DMD: variants seen among roughly 807,000 people sequenced by gnomAD.
DMD encodes mutant dystrophin.
Under a neutral mutation model 330.1 loss-of-function variants are expected in DMD, and 63 were observed. The ratio of observed to expected loss-of-function variants is 0.19; its 90% confidence interval spans 0.16 to 0.24. The LOEUF is 0.24. Among genes scored for constraint, DMD ranks in the 10% least tolerant of loss-of-function variants. DMD has a pLI of 1.00. For missense variants in DMD, 3,344 were observed against 2,684.1 expected (o/e 1.25, Z -5.43); for synonymous variants, 1,223 against 959.8 (o/e 1.27, Z -5.07).
At chrX:32,334,987 T>C (rs1486243963) in intron 41 of DMD, among the ~76,000 whole-genome samples, 2 of 111,271 alleles carry the variant, frequency 1.8e-5, no homozygotes, top group Admixed American at 1.9e-4. Context: ...AGATGTATCC[T>C]TGGACAAATC....
rs1196674773 is a variant in DMD, at chrX:32,785,536, A to G, written c.649+23957T>C. Among the ~76,000 whole-genome samples the G allele has an allele frequency of 1.1e-4, 12 of 111,511 alleles. No homozygotes were observed. The South Asian group carries it at 2.2e-3, about 21-fold the overall frequency. On this transcript the variant is annotated intron_variant, in intron 7 of 78. Coordinates refer to ENST00000357033, the MANE Select transcript of DMD (RefSeq NM_004006.3). Reference sequence around the variant, plus strand: ...GGTAAGGAGTATTATCATTTCTATTATAATGATTTTGCTTAAAATGTACAT... The same window carrying G: ...GGTAAGGAGTATTATCATTTCTATTGTAATGATTTTGCTTAAAATGTACAT...
At chrX:33,122,409 T>C (rs998864477) in intron 1 of DMD, among the ~76,000 whole-genome samples, 8 of 112,453 alleles carry the variant, frequency 7.1e-5, no homozygotes, top group African/African-American at 2.6e-4. Context: ...TTAGCCTTGA[T>C]TGATAATTTC....
At chrX:31,585,796 T>C (rs760267393) in intron 55 of DMD, among the ~76,000 whole-genome samples, 1 of 111,955 alleles carries the variant, frequency 8.9e-6, no homozygotes, top group African/African-American at 3.2e-5. Flanking sequence ...CCTGGGAATT[T>C]GATAGAAATG....
chrX:31,197,945 G>A (rs148738670), intron 67 of DMD, among the ~76,000 whole-genome samples: 48 of 106,086 alleles, frequency 4.5e-4, no homozygotes, highest in Middle Eastern at 1.0e-2. Context: ...CAACATGTAC[G>A]GAACCGGAAG....
Position 32,545,291 on chromosome X carries a change from G to T in DMD, c.2036C>A (p.Thr679Lys), listed in dbSNP as rs752538981. 2.5e-6 allele frequency: 3 copies of T among 1,208,846 alleles called. No homozygotes were observed. Among genetic ancestry groups the T allele is most frequent in the Admixed American group, 4.4e-5 (2 of 45,658 alleles). ...VTTTQPSLTQ[T>K]TVMETVTTVT... ...CGTAGTTACTGTTTCCATTACAGTT[G>T]TCTGTGTTAGTGATGGCTGAGTGGT... The change falls in exon 17 of 79, where the codon ACA becomes AAA. Residue 679 changes from threonine to lysine, a missense_variant. Physicochemically the swap from Thr to Lys is moderately conservative, Grantham distance 78 (BLOSUM62 -1). Coordinates refer to ENST00000357033, the MANE Select transcript of DMD (RefSeq NM_004006.3).
chrX:31,678,403 ATTGT>A (rs2082198312), intron 53 of DMD, among the ~76,000 whole-genome samples: 1 of 112,166 alleles, frequency 8.9e-6, no homozygotes, highest in Non-Finnish European at 1.9e-5. Flanking sequence ...AAGCTTAACC[ATTGT>A]TTAACATTTA....
chrX:31,530,335 C>T (rs1157958345), intron 55 of DMD, among the ~76,000 whole-genome samples: 1 of 111,959 alleles, frequency 8.9e-6, no homozygotes, highest in Non-Finnish European at 1.9e-5. Context: ...ATATTATACA[C>T]ATCAGCCTTT....
At chrX:32,081,213 C>A (rs2096389081) in intron 44 of DMD, among the ~76,000 whole-genome samples, 1 of 112,170 alleles carries the variant, frequency 8.9e-6, no homozygotes, top group South Asian at 3.7e-4. Flanking sequence ...AGTACAGCTG[C>A]AGAGTATAAA....
At position 31,532,284 on chromosome X, in the gene DMD, T is replaced by G. The variant is rs1409509587; in HGVS notation, c.8218-24831A>C. 7.3e-5 allele frequency among the ~76,000 whole-genome samples: 6 copies of G among 81,993 alleles called. 1 individual carries two copies. The highest frequency in any genetic ancestry group is 2.2e-5 in the Non-Finnish European group (1 of 45,070). The allele number at this position is 81,993 out of a possible 115,157, so 71.2% of individuals were successfully genotyped here. ...AAGCCCATCAGACTAACAGCGGATC[T>G]CTCGGCAGAAACCCTACAAGCCAGA... On this transcript the variant is annotated intron_variant, in intron 55 of 78. Coordinates refer to ENST00000357033, the MANE Select transcript of DMD (RefSeq NM_004006.3).
intron 41 of DMD, among the ~76,000 whole-genome samples, chrX:32,312,941 C>CAAAAAAAAAAAAAAAAAAAAAAAAAAA (rs1171543953): frequency 3.1e-4 from 6 of 19,199 alleles, no homozygotes; most frequent in Non-Finnish European, 6.4e-4. Context: ...AGCCTACGAA[C>CAAAAAAAAAAAAAAAAAAAAAAAAAAA]CAAAAAAAAA....
chrX:33,206,990 T>C (rs771916269), intron 1 of DMD, among the ~76,000 whole-genome samples: 1 of 110,549 alleles, frequency 9.0e-6, no homozygotes, highest in South Asian at 3.9e-4. Flanking sequence ...TAGTACCCAT[T>C]AGTTGCTTTT....
At chrX:33,038,194 C>T (rs1362109090) in intron 1 of DMD, among the ~76,000 whole-genome samples, 1 of 112,078 alleles carries the variant, frequency 8.9e-6, no homozygotes, top group South Asian at 3.7e-4. Flanking sequence ...AATATAAATA[C>T]ATGCATGAAA....
intron 12 of DMD, among the ~76,000 whole-genome samples, chrX:32,605,088 T>A (rs1569293286): frequency 9.1e-6 from 1 of 110,384 alleles, no homozygotes; most frequent in East Asian, 2.8e-4. Context: ...GCCCAAATAG[T>A]CAAAGCAATG....
intron 11 of DMD, among the ~76,000 whole-genome samples, chrX:32,636,202 T>C (rs1451746737): frequency 8.9e-6 from 1 of 112,289 alleles, no homozygotes; most frequent in Non-Finnish European, 1.9e-5. Flanking sequence ...ACACGAAGTA[T>C]GCTGACATCT....
At chrX:32,826,221 C>T (rs1016598799) in intron 4 of DMD, among the ~76,000 whole-genome samples, 7 of 111,707 alleles carry the variant, frequency 6.3e-5, no homozygotes, top group African/African-American at 2.0e-4. Context: ...AAAAAGGAAT[C>T]TTTGCACAGT....
chrX:31,728,021 T>C (rs764743397), intron 52 of DMD, among the ~76,000 whole-genome samples: 1 of 112,592 alleles, frequency 8.9e-6, no homozygotes, highest in South Asian at 3.6e-4. Flanking sequence ...TTCCAAGCTC[T>C]GTTCTTTGCT....
intron 37 of DMD, among the ~76,000 whole-genome samples, chrX:32,355,028 G>T (rs1448160794): frequency 1.8e-5 from 2 of 111,245 alleles, no homozygotes; most frequent in East Asian, 5.6e-4. Flanking sequence ...AAGCAATTTT[G>T]TATTTTAAAC....
Position 32,802,641 on chromosome X carries a change from C to T in DMD, c.649+6852G>A, listed in dbSNP as rs984616284. On this transcript the variant is annotated intron_variant, in intron 7 of 78. Coordinates refer to ENST00000357033, the MANE Select transcript of DMD (RefSeq NM_004006.3). ...CATAAATAGCTCTTATTTTGAGACA[C>T]ATTCCATCAATACCTAGTTTATTGA... Among the ~76,000 whole-genome samples, 10 of 111,532 alleles carry T rather than the reference C, an allele frequency of 9.0e-5. No homozygotes were observed. In the East Asian group the frequency reaches 1.4e-3, roughly 16 times the overall value.
At chrX:31,674,577 T>C (rs1393217642) in intron 53 of DMD, among the ~76,000 whole-genome samples, 1 of 112,130 alleles carries the variant, frequency 8.9e-6, no homozygotes, top group Non-Finnish European at 1.9e-5. Context: ...AAACAGCTAA[T>C]GCTGTCACGT....
Sources: gnomAD v4.1 joint callset for allele counts (sites outside exome capture counted in the v4.1 genomes callset) on GRCh38, gnomAD v4.1.1 for gene constraint, MANE v1.5 for transcripts, NCBI Gene and HGNC (gene_info 2026-07-23, HGNC 2026-07-21) for gene names.